Variants in VAV2 observed in about 807,000 individuals in gnomAD.
The protein encoded by VAV2 is guanine nucleotide exchange factor VAV2.
Under a neutral mutation model 132.5 loss-of-function variants are expected in VAV2, and 67 were observed. That is an observed-to-expected ratio of 0.51 (90% CI 0.42 to 0.62). The LOEUF (loss-of-function observed/expected upper bound fraction) is 0.62, where lower values mean the gene tolerates loss of function less well. VAV2 is among the 20% of genes least tolerant of loss of function. The probability of loss-of-function intolerance (pLI) is 0.00; values close to 1 mark genes in which losing one functional copy is unlikely to be tolerated. For synonymous variants in VAV2, 492 were observed against 443.5 expected, an observed-to-expected ratio of 1.11 and a Z score of -1.37; for missense variants, 938 against 1,153.6, an observed-to-expected ratio of 0.81 and a Z score of 2.71.
At position 133,926,760 on chromosome 9, in the gene VAV2, C is replaced by T. The variant is rs539826308; in HGVS notation, c.321+12343G>A. ...CCACCAAAGTCCCTGTCACTCTGCACAGTAGGCAGTGGCCCCTGGCTCCCT... is the reference window on the plus strand; with the variant it reads ...CCACCAAAGTCCCTGTCACTCTGCATAGTAGGCAGTGGCCCCTGGCTCCCT... On this transcript the variant is annotated intron_variant, in intron 2 of 29. Transcript: ENST00000371850. This position sits in a 1 kb window ranked among gnomAD's most constrained non-coding sequence, Gnocchi z 4.3. Among the ~76,000 whole-genome samples, 69 of 152,310 alleles carry T rather than the reference C, an allele frequency of 4.5e-4. 2 individuals are homozygous for T. In the South Asian group the frequency reaches 0.014, roughly 32 times the overall value.
At chr9:133,891,989 G>A (rs1032979398) in intron 2 of VAV2, among the ~76,000 whole-genome samples, 2 of 138,382 alleles carry the variant, frequency 1.4e-5, no homozygotes, top group African/African-American at 5.5e-5. Context: ...GAGAGAGAGG[G>A]AGAGAGGAAA....
chr9:133,850,294 G>A (rs1168420263), intron 3 of VAV2, among the ~76,000 whole-genome samples: 4 of 152,134 alleles, frequency 2.6e-5, no homozygotes, highest in Non-Finnish European at 2.9e-5. Context: ...GACCCACCAC[G>A]CCCTACCCTG....
Position 133,769,097 on chromosome 9 carries a change from T to C in VAV2, c.2434+320A>G, listed in dbSNP as rs1199176635. ...ACAGCTCCTCCTCGTGGCCACCTGC[T>C]TTCTGCTACCAGAGGCAAAGCTCTT... On this transcript the variant is annotated intron_variant, in intron 28 of 29. Coordinates refer to ENST00000371850, the MANE Select transcript of VAV2 (RefSeq NM_001134398.2). This position sits in a 1 kb window ranked among gnomAD's most constrained non-coding sequence, Gnocchi z 8.1. Among the ~76,000 whole-genome samples, 1 of 152,252 alleles carries C rather than the reference T, an allele frequency of 6.6e-6. No individual in the cohort carries two copies. The highest frequency in any genetic ancestry group is 1.5e-5 in the Non-Finnish European group (1 of 68,048).
At chr9:133,893,280 G>C (rs1839053450) in intron 2 of VAV2, among the ~76,000 whole-genome samples, 1 of 152,202 alleles carries the variant, frequency 6.6e-6, no homozygotes, top group Non-Finnish European at 1.5e-5. Flanking sequence ...GTGGAGGGTG[G>C]AGAGGGCTGA....
At chr9:133,947,220 G>C (rs1343025771) in intron 1 of VAV2, among the ~76,000 whole-genome samples, 1 of 152,132 alleles carries the variant, frequency 6.6e-6, no homozygotes, top group African/African-American at 2.4e-5. Flanking sequence ...TGAAAGGTAG[G>C]GTCTGGCCTC....
chr9:133,791,649 C>G, intron 13 of VAV2, 134 bp downstream of exon 13: 1 of 758,754 alleles, frequency 1.3e-6, no homozygotes. Flanking sequence ...TCAGAAGTTG[C>G]CGGGCACCAG....
At chr9:133,790,843 T>G (rs973831258) in intron 13 of VAV2, among the ~76,000 whole-genome samples, 3 of 152,104 alleles carry the variant, frequency 2.0e-5, no homozygotes, top group African/African-American at 7.2e-5. Context: ...GGCCTGGCCA[T>G]CGGGGACCTT....
Position 133,990,630 on chromosome 9 carries a change from G to A in VAV2, c.204+1445C>T, listed in dbSNP as rs535918013. ...GCCCCTGGAACTCATATCAAAGGCA[G>A]CCACCTTGGTTCGAGGCCCAGCCCT... On this transcript the variant is annotated intron_variant, in intron 1 of 29. Coordinates refer to ENST00000371850, the MANE Select transcript of VAV2 (RefSeq NM_001134398.2). Among the ~76,000 whole-genome samples, 38 of 152,332 alleles carry A rather than the reference G, an allele frequency of 2.5e-4. 1 individual carries two copies. In the South Asian group the frequency reaches 7.7e-3, roughly 31 times the overall value.
intron 3 of VAV2, among the ~76,000 whole-genome samples, chr9:133,851,568 C>A (rs1479051128): frequency 6.6e-6 from 1 of 152,220 alleles, no homozygotes; most frequent in African/African-American, 2.4e-5. Context: ...CCTAACCTCA[C>A]AACAGAGGTT....
chr9:133,870,886 A>ATGAGGG (rs1564422382), intron 2 of VAV2, among the ~76,000 whole-genome samples: 1 of 116,490 alleles, frequency 8.6e-6, no homozygotes, highest in African/African-American at 3.5e-5. Flanking sequence ...GGGTGGATGG[A>ATGAGGG]TATGGGTGAG....
intron 1 of VAV2, among the ~76,000 whole-genome samples, chr9:133,943,669 T>C (rs532229331): frequency 6.6e-6 from 1 of 152,260 alleles, no homozygotes; most frequent in East Asian, 1.9e-4. Flanking sequence ...ACTGTGTTTG[T>C]TTAGGGCACT....
intron 2 of VAV2, among the ~76,000 whole-genome samples, chr9:133,870,254 C>T (rs1468389198): frequency 6.6e-6 from 1 of 152,116 alleles, no homozygotes; most frequent in African/African-American, 2.4e-5. Context: ...TTCTAGGGGG[C>T]CGGCAGAGTG....
In VAV2 at chr9:133,834,971, G is replaced by C. The variant is rs1836408633; in HGVS notation, c.381-631C>G. Among the ~76,000 whole-genome samples, 1 of 152,150 alleles carries C rather than the reference G, an allele frequency of 6.6e-6. No homozygotes were observed. The highest frequency in any genetic ancestry group is 1.5e-5 in the Non-Finnish European group (1 of 68,008). On this transcript the variant is annotated intron_variant, in intron 3 of 29. Coordinates refer to ENST00000371850, the MANE Select transcript of VAV2 (RefSeq NM_001134398.2). The surrounding 1 kb of genome is among the most constrained non-coding windows in gnomAD (Gnocchi z 5.9). ...GCAGAAGCCCCATGGGGTCTCCCCA[G>C]AAGGAACGCGGCGGTGCTCCCCCAC...
intron 2 of VAV2, among the ~76,000 whole-genome samples, chr9:133,872,233 A>AAGGGGC (rs58467757): frequency 1.3e-5 from 2 of 151,924 alleles, no homozygotes; most frequent in East Asian, 3.9e-4. Flanking sequence ...GAAGAGAAGA[A>AAGGGGC]AGGGGCAGGG....
chr9:133,785,216 C>T lies in VAV2; in HGVS notation c.1532+560G>A, dbSNP rs548221367. Among the ~76,000 whole-genome samples, 20 of 152,340 alleles carry T rather than the reference C, an allele frequency of 1.3e-4. No individual in the cohort carries two copies. In the East Asian group the frequency reaches 2.3e-3, roughly 18 times the overall value. On this transcript the variant is annotated intron_variant, in intron 17 of 29. Coordinates refer to ENST00000371850, the MANE Select transcript of VAV2 (RefSeq NM_001134398.2). ...TCAGAGAGGCGAGTGCACCTGCCTG[C>T]AGGCCCCAGCTCACCTGCCCGCAGA... is the stretch of plus-strand genomic sequence containing the variant.
intron 2 of VAV2, 45 bp from the exon 3 acceptor site, chr9:133,861,477 C>G: frequency 6.2e-7 from 1 of 1,604,750 alleles, no homozygotes; most frequent in Non-Finnish European, 8.5e-7. Flanking sequence ...CACAAGAAAC[C>G]AGAAAGGCAT....
chr9:133,773,345 T>C (rs1833703186), intron 25 of VAV2, among the ~76,000 whole-genome samples: 1 of 152,222 alleles, frequency 6.6e-6, no homozygotes, highest in African/African-American at 2.4e-5. Flanking sequence ...GTGCTTATCA[T>C]GACTGGAGCT....
rs533455778 is a variant in VAV2, at chr9:133,821,186, G to A, written c.450-8970C>T. On this transcript the variant is annotated intron_variant, in intron 4 of 29. Coordinates refer to ENST00000371850, the MANE Select transcript of VAV2 (RefSeq NM_001134398.2). ...CAGTGTCTCGGCTAGAAAGAAGCGT[G>A]TGGAGGCTCCGTGTCATCAGAGGCT... Among the ~76,000 whole-genome samples, 3 of 152,354 alleles carry A rather than the reference G, an allele frequency of 2.0e-5. No individual in the cohort carries two copies. In the South Asian group the frequency reaches 6.2e-4, roughly 32 times the overall value.
chr9:133,797,587 G>A (rs7847765), intron 10 of VAV2, 123 bp downstream of exon 10: 85 of 835,934 alleles, frequency 1.0e-4, no homozygotes, highest in African/African-American at 6.6e-4. Flanking sequence ...AAACCATTAC[G>A]TCATCACCCC....
Sources: allele counts gnomAD v4.1 joint callset (sites outside exome capture counted in the v4.1 genomes callset), GRCh38; gene constraint gnomAD v4.1.1; non-coding constraint Gnocchi (gnomAD v3.1); transcripts MANE v1.5; gene names NCBI Gene and HGNC (gene_info 2026-07-23, HGNC 2026-07-21).